PKHD1L1: variants seen among roughly 807,000 people sequenced by gnomAD.
The protein encoded by PKHD1L1 is fibrocystin-L.
Under a neutral mutation model 462.9 loss-of-function variants are expected in PKHD1L1, and 434 were observed. That is an observed-to-expected ratio of 0.94 (90% confidence interval 0.87 to 1.02). The LOEUF is 1.02. Among genes scored for constraint, PKHD1L1 ranks in the 50% least tolerant of loss-of-function variants. The pLI is 0.00. For missense variants in PKHD1L1, 5,202 were observed against 5,096.1 expected (o/e 1.02, Z -0.63); for synonymous variants, 1,781 against 1,750.0 (o/e 1.02, Z -0.44).
chr8:109,443,911 A>G lies in PKHD1L1; in HGVS notation c.4791+9A>G. Reference sequence around the variant, plus strand: ...TCCCATGGGCTAATAAGGTAAGAATATAAATACCTCCTTTGTACTTCTATT... The same window carrying G: ...TCCCATGGGCTAATAAGGTAAGAATGTAAATACCTCCTTTGTACTTCTATT... On this transcript the variant is annotated intron_variant, in intron 37 of 77. Transcript: ENST00000378402. The G allele has an allele frequency of 2.5e-6, 4 of 1,569,514 alleles. No individual in the cohort carries two copies. In the East Asian group the frequency reaches 6.7e-5, roughly 26 times the overall value.
At chr8:109,455,280 G>T (rs1388186502) in intron 45 of PKHD1L1, among the ~76,000 whole-genome samples, 1 of 152,230 alleles carries the variant, frequency 6.6e-6, no homozygotes, top group Non-Finnish European at 1.5e-5. Flanking sequence ...GGTGGCTGCA[G>T]TGAGCCAAGA....
intron 30 of PKHD1L1, among the ~76,000 whole-genome samples, chr8:109,437,640 G>A (rs1294617949): frequency 6.6e-6 from 1 of 151,922 alleles, no homozygotes; most frequent in East Asian, 1.9e-4. Context: ...GTGTAGCAGA[G>A]TAAATGGGGG....
chr8:109,460,259 T>C (rs1817045122), intron 47 of PKHD1L1, among the ~76,000 whole-genome samples: 1 of 152,180 alleles, frequency 6.6e-6, no homozygotes, highest in Admixed American at 6.6e-5. Flanking sequence ...CTATATTTGA[T>C]AGTGATACAA....
rs200817638 is a variant in PKHD1L1 at position 109,461,787 on chromosome 8, A to G, written c.7262A>G (p.Gln2421Arg). Residue 2421 changes from glutamine to arginine, a missense_variant, in exon 48 of 78, where the codon CAG (glutamine) becomes CGG (arginine). By Grantham distance (43) the Gln-to-Arg change is conservative. Transcript: ENST00000378402. The part of the protein sequence containing the change: ...DGFDTGEFAT[Q>R]TCLQGKFGEE... The stretch of plus-strand genomic sequence containing the variant: ...TGTTTTGAAGGAGAATTTGCTACAC[A>G]GACCTGTCTCCAAGGAAAGTTTGGA... 1.1e-4 allele frequency: 169 copies of G among 1,609,100 alleles called. No homozygotes were observed. The highest frequency in any genetic ancestry group is 1.3e-4 in the Non-Finnish European group (158 of 1,177,490).
At chr8:109,402,533 T>G (rs1813324154) in intron 14 of PKHD1L1, among the ~76,000 whole-genome samples, 2 of 152,110 alleles carry the variant, frequency 1.3e-5, no homozygotes, top group South Asian at 4.1e-4. Flanking sequence ...ATACTGGGCT[T>G]AATACCTAGG....
chr8:109,422,890 A>G (rs185115541), intron 23 of PKHD1L1, among the ~76,000 whole-genome samples: 95 of 152,258 alleles, frequency 6.2e-4, no homozygotes, highest in Middle Eastern at 6.8e-3. Flanking sequence ...TGATGTCACT[A>G]TTTTTAATTT....
chr8:109,387,945 T>C (rs1435802088), intron 6 of PKHD1L1, among the ~76,000 whole-genome samples: 2 of 152,146 alleles, frequency 1.3e-5, no homozygotes, highest in Admixed American at 6.5e-5. Flanking sequence ...CCCAATCACC[T>C]GAGGAAATAT....
Position 109,485,232 on chromosome 8 carries a change from C to T in PKHD1L1, c.9706+59C>T, listed in dbSNP as rs1563597486. ...AATTGTGTTGAAAGATTCACATTTA[C>T]TCTGTAATTATAATTCTTTGATAAA... On this transcript the variant is annotated intron_variant, in intron 58 of 77. Coordinates refer to ENST00000378402, the MANE Select transcript of PKHD1L1 (RefSeq NM_177531.6). The T allele has an allele frequency of 4.5e-6, 6 of 1,329,072 alleles. No individual in the cohort carries two copies. In the South Asian group the frequency reaches 6.6e-5, roughly 15 times the overall value. 82.3% of individuals were successfully genotyped at this position (1,329,072 alleles called of 1,614,324 possible). A position where few individuals can be genotyped will look rare whatever the true frequency, so the allele number is the denominator to read the frequency against.
intron 18 of PKHD1L1, among the ~76,000 whole-genome samples, chr8:109,408,705 T>G (rs986877912): frequency 2.0e-5 from 3 of 152,090 alleles, no homozygotes; most frequent in African/African-American, 7.2e-5. Context: ...CTCAGCAAAT[T>G]TTAAGACTTT....
intron 70 of PKHD1L1, among the ~76,000 whole-genome samples, chr8:109,509,986 T>C (rs1467925934): frequency 6.6e-6 from 1 of 152,082 alleles, no homozygotes; most frequent in African/African-American, 2.4e-5. Flanking sequence ...ATAAAAGTCA[T>C]TTTAAACCTG....
chr8:109,461,479 AAAT>A (rs1012362772), intron 47 of PKHD1L1, among the ~76,000 whole-genome samples: 142 of 152,316 alleles, frequency 9.3e-4, no homozygotes, highest in African/African-American at 3.3e-3. Context: ...AAGGCTTCAT[AAAT>A]AATAAAACTA....
At chr8:109,437,745 C>T (rs1251020434) in intron 30 of PKHD1L1, among the ~76,000 whole-genome samples, 1 of 151,944 alleles carries the variant, frequency 6.6e-6, no homozygotes, top group Non-Finnish European at 1.5e-5. Flanking sequence ...CTAAAACTTA[C>T]TTTGTTTACA....
At position 109,438,407 on chromosome 8, in the gene PKHD1L1, A is replaced by G. The variant is rs952492326; in HGVS notation, c.3711A>G (p.Leu1237=). The change falls in exon 31 of 78, where the codon TTA becomes TTG. Residue 1237 remains leucine (L), a synonymous_variant. Coordinates refer to ENST00000378402, the MANE Select transcript of PKHD1L1 (RefSeq NM_177531.6). ...TARDAFSYNC[L]QTPIITDFSP... ...GGGATGCTTTTAGTTATAATTGTTT[A>G]CAGACACCAATTATAACTGATTTTA... is the stretch of plus-strand genomic sequence containing the variant. 1 of 1,539,414 alleles carries G rather than the reference A, an allele frequency of 6.5e-7. No individual in the cohort carries two copies.
At chr8:109,415,003 T>TATC (rs1563751539) in intron 21 of PKHD1L1, among the ~76,000 whole-genome samples, 3 of 131,808 alleles carry the variant, frequency 2.3e-5, no homozygotes, top group Admixed American at 7.5e-5. Context: ...TTATTATTAT[T>TATC]ATTATTATTT....
At chr8:109,435,123 G>A (rs1815331268) in intron 28 of PKHD1L1, 67 bp from the exon 29 acceptor site, 2 of 1,535,870 alleles carry the variant, frequency 1.3e-6, no homozygotes, top group South Asian at 2.3e-5. Context: ...GTATTTGCAA[G>A]CATAACTTTT....
intron 28 of PKHD1L1, 145 bp downstream of exon 28, chr8:109,433,361 T>C: frequency 1.5e-6 from 1 of 685,098 alleles, no homozygotes; most frequent in East Asian, 2.6e-5. Flanking sequence ...GGTCATGAAA[T>C]TGGCAACCTG....
chr8:109,490,061 T>C lies in PKHD1L1; in HGVS notation c.9984+6T>C. On this transcript the variant is annotated splice_donor_region_variant and intron_variant, in intron 60 of 77. Coordinates refer to ENST00000378402, the MANE Select transcript of PKHD1L1 (RefSeq NM_177531.6). Reference sequence around the variant, plus strand: ...CGTTTCTTAACCTAGGACAGGTTTGTGCTTTATTTTTAATTTTGTGTATAT... The same window carrying C: ...CGTTTCTTAACCTAGGACAGGTTTGCGCTTTATTTTTAATTTTGTGTATAT... The C allele has an allele frequency of 6.5e-7, 1 of 1,535,844 alleles. No individual in the cohort carries two copies. Among genetic ancestry groups the C allele is most frequent in the Non-Finnish European group, 8.8e-7 (1 of 1,130,728 alleles).
chr8:109,436,940 G>A (rs1053238995), intron 30 of PKHD1L1, among the ~76,000 whole-genome samples: 32 of 152,104 alleles, frequency 2.1e-4, no homozygotes, highest in East Asian at 3.9e-4. Context: ...TTCCTGAGAC[G>A]GAGTCTCACT....
Position 109,442,299 on chromosome 8 carries a change from A to G in PKHD1L1, c.4393+104A>G, listed in dbSNP as rs1014589142. The G allele has an allele frequency of 4.5e-6, 5 of 1,100,538 alleles. No individual in the cohort carries two copies. The South Asian group carries it at 7.1e-5, about 16-fold the overall frequency. 68.2% of individuals were successfully genotyped at this position (1,100,538 alleles called of 1,614,324 possible). On this transcript the variant is annotated intron_variant, in intron 35 of 77. Transcript: ENST00000378402. The stretch of plus-strand genomic sequence containing the variant: ...TACAGTATTTTTACATAAATAATAT[A>G]CACAAATGCGTAAGGTATTTGGCAT...
Sources: gnomAD v4.1 joint callset for allele counts (sites outside exome capture counted in the v4.1 genomes callset) on GRCh38, gnomAD v4.1.1 for gene constraint, MANE v1.5 for transcripts, NCBI Gene and HGNC (gene_info 2026-07-23, HGNC 2026-07-21) for gene names.